Variants in DGKB observed in about 807,000 individuals in gnomAD.
The protein encoded by DGKB is diacylglycerol kinase beta.
DGKB carries 67 observed loss-of-function variants against 114.3 expected under a neutral mutation model. That is an observed-to-expected ratio of 0.59 (90% confidence interval 0.48 to 0.72). The LOEUF (loss-of-function observed/expected upper bound fraction) is 0.72. Among genes scored for constraint, DGKB ranks in the 30% least tolerant of loss-of-function variants. DGKB has a pLI of 0.00. For missense variants in DGKB, 907 were observed against 975.2 expected, an observed-to-expected ratio of 0.93 and a Z score of 0.93; for synonymous variants, 398 against 323.1, an observed-to-expected ratio of 1.23 and a Z score of -2.49.
chr7:14,318,379 C>G (rs1807040756), intron 23 of DGKB, among the ~76,000 whole-genome samples: 1 of 151,924 alleles, frequency 6.6e-6, no homozygotes, highest in Admixed American at 6.6e-5. Flanking sequence ...ATTTTCGCAA[C>G]CTACTCATCT....
intron 23 of DGKB, among the ~76,000 whole-genome samples, chr7:14,294,280 C>A (rs60908391): frequency 0.011 from 1,744 of 152,188 alleles, 34 homozygotes; most frequent in African/African-American, 0.04. Context: ...CCATCTGCAA[C>A]CTCAATTCTC....
At chr7:14,186,600 A>C (rs965479822) in intron 23 of DGKB, among the ~76,000 whole-genome samples, 11 of 152,224 alleles carry the variant, frequency 7.2e-5, no homozygotes, top group Admixed American at 2.6e-4. Flanking sequence ...TCACAATTGC[A>C]AAATTGTGGA....
chr7:14,775,948 C>T (rs1838104356), intron 2 of DGKB, among the ~76,000 whole-genome samples: 1 of 151,932 alleles, frequency 6.6e-6, no homozygotes, highest in Non-Finnish European at 1.5e-5. Context: ...TCAGAGAAGT[C>T]AGAAGAATGT....
At chr7:14,456,632 G>A (rs1293076797) in intron 21 of DGKB, among the ~76,000 whole-genome samples, 2 of 152,078 alleles carry the variant, frequency 1.3e-5, no homozygotes, top group South Asian at 4.1e-4. Context: ...CCAATTGTTT[G>A]TCTTCCCAAG....
intron 20 of DGKB, among the ~76,000 whole-genome samples, chr7:14,500,721 T>C (rs1264115731): frequency 6.6e-6 from 1 of 151,706 alleles, no homozygotes; most frequent in Non-Finnish European, 1.5e-5. Flanking sequence ...CGGTACTAGG[T>C]GATTGATAGA....
intron 21 of DGKB, among the ~76,000 whole-genome samples, chr7:14,440,400 T>C (rs931480766): frequency 1.3e-5 from 2 of 152,080 alleles, no homozygotes; most frequent in Admixed American, 6.6e-5. Flanking sequence ...TCCAGTGATA[T>C]ACTGAGTTGA....
At chr7:14,807,838 C>T (rs1045291369) in intron 2 of DGKB, among the ~76,000 whole-genome samples, 1 of 151,910 alleles carries the variant, frequency 6.6e-6, no homozygotes, top group African/African-American at 2.4e-5. Flanking sequence ...AAAGCATGTC[C>T]TCAAAATAGC....
chr7:14,457,531 T>G (rs1832457250), intron 21 of DGKB, among the ~76,000 whole-genome samples: 1 of 152,228 alleles, frequency 6.6e-6, no homozygotes, highest in Non-Finnish European at 1.5e-5. Context: ...AAAAAGATTT[T>G]TTTAAAGACT....
chr7:14,918,473 G>T (rs1294169106), intron 1 of DGKB, among the ~76,000 whole-genome samples: 6 of 151,904 alleles, frequency 3.9e-5, no homozygotes, highest in Non-Finnish European at 8.8e-5. Flanking sequence ...ATGAACAACT[G>T]GAATTTGAAT....
At chr7:14,489,525 C>A (rs1217774973) in intron 20 of DGKB, among the ~76,000 whole-genome samples, 1 of 152,122 alleles carries the variant, frequency 6.6e-6, no homozygotes, top group Non-Finnish European at 1.5e-5. Context: ...ATAAAAGCTG[C>A]AAATGTGTTC....
chr7:14,541,748 C>A (rs1390864700), intron 20 of DGKB, among the ~76,000 whole-genome samples: 2 of 152,212 alleles, frequency 1.3e-5, no homozygotes, highest in African/African-American at 4.8e-5. Flanking sequence ...ATTTTTACTG[C>A]TGAAACCCTT....
intron 1 of DGKB, among the ~76,000 whole-genome samples, chr7:14,948,282 T>G (rs921877362): frequency 6.6e-6 from 1 of 151,852 alleles, no homozygotes; most frequent in African/African-American, 2.4e-5. Flanking sequence ...GTCTTTGCAC[T>G]GAATTTTCCT....
chr7:14,604,135 A>G (rs1033997506), intron 17 of DGKB, among the ~76,000 whole-genome samples: 1 of 152,158 alleles, frequency 6.6e-6, no homozygotes, highest in Non-Finnish European at 1.5e-5. Context: ...CCATTAGGAA[A>G]GAAACAACTT....
chr7:14,338,935 A>G (rs1244988541), intron 22 of DGKB, among the ~76,000 whole-genome samples: 2 of 152,094 alleles, frequency 1.3e-5, no homozygotes, highest in Non-Finnish European at 2.9e-5. Context: ...AAAAATGATC[A>G]AATTAAATCA....
At chr7:14,642,811 G>A (rs1231360000) in intron 13 of DGKB, among the ~76,000 whole-genome samples, 2 of 152,152 alleles carry the variant, frequency 1.3e-5, no homozygotes, top group Non-Finnish European at 2.9e-5. Context: ...GCAATAACTT[G>A]TAGAATAATT....
intron 23 of DGKB, among the ~76,000 whole-genome samples, chr7:14,306,554 C>CT (rs1804511012): frequency 1.3e-5 from 2 of 150,790 alleles, no homozygotes; most frequent in Admixed American, 6.6e-5. Flanking sequence ...AGTTTTTTTT[C>CT]TTTTTTTCTG....
intron 20 of DGKB, among the ~76,000 whole-genome samples, chr7:14,500,541 A>C (rs1786001948): frequency 6.6e-6 from 1 of 151,552 alleles, no homozygotes; most frequent in Non-Finnish European, 1.5e-5. Context: ...TTCAAGTAGC[A>C]TTTCCATATA....
intron 1 of DGKB, among the ~76,000 whole-genome samples, chr7:14,959,686 G>T (rs1786728059): frequency 6.6e-6 from 1 of 151,340 alleles, no homozygotes; most frequent in Non-Finnish European, 1.5e-5. Flanking sequence ...CTGGAGAGGT[G>T]AATGTATTTC....
intron 21 of DGKB, among the ~76,000 whole-genome samples, chr7:14,364,461 GAA>G (rs1385553830): frequency 6.6e-6 from 1 of 151,882 alleles, no homozygotes; most frequent in Non-Finnish European, 1.5e-5. Context: ...GGAGGGAAAA[GAA>G]GAGAAAATCT....
Sources: gnomAD v4.1 joint callset for allele counts (sites outside exome capture counted in the v4.1 genomes callset) on GRCh38, gnomAD v4.1.1 for gene constraint, MANE v1.5 for transcripts, NCBI Gene and HGNC (gene_info 2026-07-23, HGNC 2026-07-21) for gene names.